Variants in ANO3 observed in about 807,000 individuals in gnomAD.
ANO3 encodes anoctamin 3, also known as anoctamin-3.
In ANO3, 99 loss-of-function variants were observed where a neutral mutation model predicts 144.8. That is an observed-to-expected ratio of 0.68 (90% CI 0.58 to 0.81). The LOEUF (loss-of-function observed/expected upper bound fraction) is 0.81, where lower values mean the gene tolerates loss of function less well. Ranked by LOEUF, ANO3 falls within the 30% of genes least tolerant of loss-of-function variation. ANO3 has a pLI of 0.00. For missense variants in ANO3, 905 were observed against 1,202.2 expected (o/e 0.75, Z 3.66); for synonymous variants, 414 against 392.6 (o/e 1.05, Z -0.64).
chr11:26,332,304 C>T lies in ANO3; in HGVS notation c.29C>T (p.Ser10Phe). MVHHSGSIQ[S>F]FKQQKGMNIS... The stretch of plus-strand genomic sequence containing the variant: ...GTCCACCATTCAGGCTCCATTCAGT[C>T]CTTTAAACAGCAAAAAGGTCAGTTG... The change falls in exon 1 of 27, where the codon TCC becomes TTC. Residue 10 changes from serine to phenylalanine, a missense_variant. Ser to Phe is a radical substitution (Grantham distance 155). This residue lies in a region of ANO3 where 174 missense variants were observed against 171.9 expected (regional missense o/e 1.01). Coordinates refer to ENST00000256737, the MANE Select transcript of ANO3 (RefSeq NM_031418.4). 3 of 1,614,024 alleles carry T rather than the reference C, an allele frequency of 1.9e-6. No homozygotes were observed. The highest frequency in any genetic ancestry group is 2.5e-6 in the Non-Finnish European group (3 of 1,180,014).
At chr11:26,595,432 A>C (rs7931282) in intron 14 of ANO3, among the ~76,000 whole-genome samples, 63,343 of 136,480 alleles carry the variant, frequency 0.46, 15,347 homozygotes, top group East Asian at 0.7. Context: ...GTGTAGGTAA[A>C]CTTTTGACTC....
intron 14 of ANO3, among the ~76,000 whole-genome samples, chr11:26,566,297 T>C (rs1052163789): frequency 2.0e-5 from 3 of 152,064 alleles, no homozygotes; most frequent in African/African-American, 7.2e-5. Flanking sequence ...TAGAGCTGGC[T>C]GATTTCTTCA....
intron 1 of ANO3, among the ~76,000 whole-genome samples, chr11:26,382,799 G>A (rs1375734308): frequency 6.6e-6 from 1 of 152,170 alleles, no homozygotes; most frequent in Non-Finnish European, 1.5e-5. Context: ...CTGGGAGAGT[G>A]CCTTCTGTAG....
chr11:26,523,595 T>C (rs1354520031), intron 6 of ANO3, among the ~76,000 whole-genome samples: 1 of 151,948 alleles, frequency 6.6e-6, no homozygotes, highest in Non-Finnish European at 1.5e-5. Flanking sequence ...TTTTCTTAAG[T>C]TAATGCTCTC....
At chr11:26,359,866 A>G (rs971378884) in intron 1 of ANO3, among the ~76,000 whole-genome samples, 1 of 138,172 alleles carries the variant, frequency 7.2e-6, no homozygotes, top group Admixed American at 7.5e-5. Flanking sequence ...GAGTGGAACT[A>G]TGTCAGACTA....
chr11:26,396,249 A>G (rs1194421107), intron 1 of ANO3, among the ~76,000 whole-genome samples: 1 of 152,174 alleles, frequency 6.6e-6, no homozygotes, highest in Non-Finnish European at 1.5e-5. Flanking sequence ...ATACCATCTC[A>G]TGCCAGTTAG....
intron 1 of ANO3, among the ~76,000 whole-genome samples, chr11:26,227,448 A>G (rs1431811369): frequency 6.6e-6 from 1 of 152,132 alleles, no homozygotes; most frequent in Non-Finnish European, 1.5e-5. Context: ...ATGGTTGAGT[A>G]TGCATGTGTA....
chr11:26,528,213 G>C (rs1326545879), intron 7 of ANO3, among the ~76,000 whole-genome samples: 2 of 152,102 alleles, frequency 1.3e-5, no homozygotes, highest in Non-Finnish European at 2.9e-5. Flanking sequence ...ACTATGTTCT[G>C]TGCCCCGTGG....
chr11:26,295,633 A>T (rs768014014), intron 1 of ANO3, among the ~76,000 whole-genome samples: 1 of 152,110 alleles, frequency 6.6e-6, no homozygotes. Flanking sequence ...TTAATTTTTT[A>T]AATTGATTTT....
chr11:26,309,542 T>A, upstream of ANO3: 3 of 477,480 alleles, frequency 6.3e-6, no homozygotes, highest in Non-Finnish European at 8.2e-6. Flanking sequence ...GCAGCTATAG[T>A]CAACATGAAA....
chr11:26,259,664 TA>T (rs60307954), intron 1 of ANO3, among the ~76,000 whole-genome samples: 2,708 of 143,186 alleles, frequency 0.019, 32 homozygotes, highest in African/African-American at 0.031. Context: ...CGAGACTCCA[TA>T]AAAAAAAAAA....
chr11:26,510,740 G>A (rs1041831480), intron 5 of ANO3, among the ~76,000 whole-genome samples: 1 of 152,102 alleles, frequency 6.6e-6, no homozygotes, highest in African/African-American at 2.4e-5. Flanking sequence ...ATTCATAACA[G>A]GTATTGCTCT....
chr11:26,554,131 G>C (rs724202), intron 13 of ANO3, among the ~76,000 whole-genome samples: 100,747 of 151,882 alleles, frequency 0.66, 33,826 homozygotes, highest in East Asian at 0.8. Flanking sequence ...CACCTGCTTT[G>C]TGTCATTATA....
chr11:26,234,077 G>A (rs180714404), intron 1 of ANO3, among the ~76,000 whole-genome samples: 2 of 152,230 alleles, frequency 1.3e-5, no homozygotes, highest in Non-Finnish European at 1.5e-5. Context: ...AAGCCTGCAC[G>A]TTCTGCACAT....
intron 1 of ANO3, among the ~76,000 whole-genome samples, chr11:26,197,502 C>T (rs377726939): frequency 9.9e-5 from 15 of 152,210 alleles, no homozygotes; most frequent in African/African-American, 3.6e-4. Flanking sequence ...GCGCATGCCA[C>T]CATGCCTGGC....
intron 16 of ANO3, 144 bp downstream of exon 16, chr11:26,599,142 C>A: frequency 1.2e-6 from 1 of 846,732 alleles, no homozygotes; most frequent in Non-Finnish European, 1.8e-6. Context: ...ATTAAACAAA[C>A]AAATCACAAC....
chr11:26,338,553 C>G (rs1010317153), intron 1 of ANO3, among the ~76,000 whole-genome samples: 1 of 152,154 alleles, frequency 6.6e-6, no homozygotes, highest in Non-Finnish European at 1.5e-5. Context: ...GGTCCCCTTC[C>G]ATGGTGTGGA....
At chr11:26,227,833 T>C (rs920087081) in intron 1 of ANO3, among the ~76,000 whole-genome samples, 4 of 152,190 alleles carry the variant, frequency 2.6e-5, no homozygotes, top group Admixed American at 1.3e-4. Flanking sequence ...TCTTGATATA[T>C]ACAATAATAA....
chr11:26,567,329 T>C (rs1022118553), intron 14 of ANO3, among the ~76,000 whole-genome samples: 2 of 151,918 alleles, frequency 1.3e-5, no homozygotes, highest in African/African-American at 4.8e-5. Context: ...AAAGCCTCCA[T>C]GCTGACTGAG....
Sources: gnomAD v4.1 joint callset for allele counts (sites outside exome capture counted in the v4.1 genomes callset) on GRCh38, gnomAD v4.1.1 for gene constraint, gnomAD v4.1.1 regional missense constraint, MANE v1.5 for transcripts, NCBI Gene and HGNC (gene_info 2026-07-23, HGNC 2026-07-21) for gene names.